Variants in HIPK2 observed in about 807,000 individuals in gnomAD.
HIPK2 encodes the protein homeodomain interacting protein kinase 2, also known as homeodomain-interacting protein kinase 2.
HIPK2 carries 27 observed loss-of-function variants against 113.7 expected under a neutral mutation model. That is an observed-to-expected ratio of 0.24 (90% CI 0.17 to 0.33). The LOEUF (loss-of-function observed/expected upper bound fraction) is 0.33, where lower values mean the gene tolerates loss of function less well. Ranked by LOEUF, HIPK2 falls within the 10% of genes least tolerant of loss-of-function variation. The pLI is 1.00. For synonymous variants in HIPK2, 631 were observed against 642.2 expected (o/e 0.98, Z 0.26); for missense variants, 1,257 against 1,588.0 (o/e 0.79, Z 3.54).
chr7:139,688,788 A>C (rs1299375906), intron 2 of HIPK2, among the ~76,000 whole-genome samples: 2 of 152,128 alleles, frequency 1.3e-5, no homozygotes, highest in East Asian at 3.9e-4. Context: ...AGACAGCAAA[A>C]CTTAAAAATA....
chr7:139,694,004 C>T (rs28469460), intron 2 of HIPK2, among the ~76,000 whole-genome samples: 105,472 of 152,094 alleles, frequency 0.69, 37,625 homozygotes, highest in African/African-American at 0.83. Context: ...CTTGAAGTGA[C>T]TGATTCTAAA....
chr7:139,710,936 G>T (rs1167440075), intron 2 of HIPK2, among the ~76,000 whole-genome samples: 3 of 151,596 alleles, frequency 2.0e-5, no homozygotes, highest in African/African-American at 7.3e-5. Flanking sequence ...CTCCATGATT[G>T]TAAGTTTCCT....
chr7:139,631,456 A>G lies in HIPK2; in HGVS notation c.1227+146T>C. The G allele has an allele frequency of 7.0e-7, 1 of 1,421,538 alleles. No individual in the cohort carries two copies. Among genetic ancestry groups the G allele is most frequent in the Non-Finnish European group, 9.3e-7 (1 of 1,071,960 alleles). 88.1% of individuals were successfully genotyped at this position (1,421,538 alleles called of 1,614,324 possible). On this transcript the variant is annotated intron_variant, in intron 3 of 14. Transcript: ENST00000406875. This position sits in a 1 kb window ranked among gnomAD's most constrained non-coding sequence, Gnocchi z 4.9. The stretch of plus-strand genomic sequence containing the variant: ...AAAGAGAAAGGAATAAAGAAAAAAT[A>G]GCAAGGTTAAGGGAAGCAAGGTTTG...
chr7:139,735,813 C>A (rs569837394), intron 1 of HIPK2, among the ~76,000 whole-genome samples: 2 of 152,268 alleles, frequency 1.3e-5, no homozygotes, highest in East Asian at 3.9e-4. Flanking sequence ...ACAGATGAGA[C>A]CCATTTTTAT....
At chr7:139,626,064 G>A (rs114351624) in intron 6 of HIPK2, among the ~76,000 whole-genome samples, 3,351 of 151,638 alleles carry the variant, frequency 0.022, 126 homozygotes, top group African/African-American at 0.078. Flanking sequence ...GCAGGCCAGG[G>A]ACCCAGTCCA....
chr7:139,734,766 T>C (rs1228460013), intron 1 of HIPK2, among the ~76,000 whole-genome samples: 1 of 152,212 alleles, frequency 6.6e-6, no homozygotes, highest in East Asian at 1.9e-4. Context: ...CACACTACTG[T>C]GGACTCCTAA....
intron 2 of HIPK2, among the ~76,000 whole-genome samples, chr7:139,676,475 A>G (rs1802497801): frequency 6.6e-6 from 1 of 152,176 alleles, no homozygotes; most frequent in South Asian, 2.1e-4. Context: ...AATGTGATCC[A>G]TTTAACAGAT....
intron 2 of HIPK2, among the ~76,000 whole-genome samples, chr7:139,701,154 G>T (rs1451045081): frequency 5.9e-5 from 9 of 152,154 alleles, no homozygotes; most frequent in African/African-American, 2.2e-4. Context: ...CAGTGAACCG[G>T]CATCACTCCA....
chr7:139,653,966 C>T (rs1262027967), intron 2 of HIPK2, among the ~76,000 whole-genome samples: 1 of 152,138 alleles, frequency 6.6e-6, no homozygotes, highest in African/African-American at 2.4e-5. Context: ...CTCCTGACCT[C>T]AAGTGATCTG....
chr7:139,618,777 C>T (rs1169514371), intron 7 of HIPK2, among the ~76,000 whole-genome samples: 1 of 152,180 alleles, frequency 6.6e-6, no homozygotes, highest in Non-Finnish European at 1.5e-5. Flanking sequence ...TGGAGGGGTG[C>T]TCCTTCCTCC....
At chr7:139,705,937 A>G (rs567968092) in intron 2 of HIPK2, among the ~76,000 whole-genome samples, 1 of 152,266 alleles carries the variant, frequency 6.6e-6, no homozygotes, top group Non-Finnish European at 1.5e-5. Flanking sequence ...GGCTTTGTTC[A>G]TGCAGCTCTT....
chr7:139,619,436 T>C lies in HIPK2; in HGVS notation c.1782+965A>G, dbSNP rs144321530. Reference sequence around the variant, plus strand: ...AGTCTCAGCTCAGACTTGGAGATTATTCATTCAATAAATATTGCCTGGGTG... The same window carrying C: ...AGTCTCAGCTCAGACTTGGAGATTACTCATTCAATAAATATTGCCTGGGTG... On this transcript the variant is annotated intron_variant, in intron 7 of 14. Coordinates refer to ENST00000406875, the MANE Select transcript of HIPK2 (RefSeq NM_022740.5). Among the ~76,000 whole-genome samples the C allele has an allele frequency of 4.7e-3, 718 of 152,290 alleles. 10 individuals are homozygous for C. The highest frequency in any genetic ancestry group is 0.017 in the African/African-American group (686 of 41,556).
chr7:139,730,528 T>C (rs1235216431), intron 1 of HIPK2, among the ~76,000 whole-genome samples: 1 of 152,046 alleles, frequency 6.6e-6, no homozygotes, highest in Non-Finnish European at 1.5e-5. Flanking sequence ...GCCCGGCTAA[T>C]TTTTGTATTT....
At chr7:139,705,426 GA>G (rs1295547979) in intron 2 of HIPK2, among the ~76,000 whole-genome samples, 1 of 152,026 alleles carries the variant, frequency 6.6e-6, no homozygotes, top group Non-Finnish European at 1.5e-5. Context: ...GCCCAGGCTG[GA>G]GTGCAGTGGC....
chr7:139,763,380 T>G (rs1468287754), intron 1 of HIPK2, among the ~76,000 whole-genome samples: 1 of 151,626 alleles, frequency 6.6e-6, no homozygotes, highest in South Asian at 2.1e-4. Flanking sequence ...GACATTATGG[T>G]GGCTTAGGCT....
intron 1 of HIPK2, among the ~76,000 whole-genome samples, chr7:139,746,345 T>TGA (rs749524302): frequency 2.2e-4 from 33 of 152,280 alleles, no homozygotes; most frequent in Non-Finnish European, 4.1e-4. Flanking sequence ...GATGCATCCC[T>TGA]TGTCACTGGG....
At chr7:139,761,357 G>C (rs1427117771) in intron 1 of HIPK2, among the ~76,000 whole-genome samples, 1 of 152,214 alleles carries the variant, frequency 6.6e-6, no homozygotes, top group Non-Finnish European at 1.5e-5. Flanking sequence ...GGTCTCTAGG[G>C]GGAAAGTGTA....
At chr7:139,658,915 C>G (rs1482586705) in intron 2 of HIPK2, among the ~76,000 whole-genome samples, 2 of 152,194 alleles carry the variant, frequency 1.3e-5, no homozygotes, top group Non-Finnish European at 2.9e-5. Context: ...TGACTGTAAC[C>G]TTCCTATATA....
intron 1 of HIPK2, among the ~76,000 whole-genome samples, chr7:139,763,793 G>C (rs957661428): frequency 6.6e-6 from 1 of 152,210 alleles, no homozygotes; most frequent in South Asian, 2.1e-4. Context: ...CTGCGCATGC[G>C]CAGAGCAGCA....
Sources: allele counts gnomAD v4.1 joint callset (sites outside exome capture counted in the v4.1 genomes callset), GRCh38; gene constraint gnomAD v4.1.1; non-coding constraint Gnocchi (gnomAD v3.1); transcripts MANE v1.5; gene names NCBI Gene and HGNC (gene_info 2026-07-23, HGNC 2026-07-21).